The following ST6GALNAC4 variants were observed in gnomAD, a reference collection of about 807,000 sequenced individuals.
ST6GALNAC4 encodes the protein ST6 N-acetylgalactosaminide alpha-2,6-sialyltransferase 4.
A neutral mutation model predicts 30.4 loss-of-function variants in ST6GALNAC4; 24 were observed. The observed-to-expected ratio is 0.79, with a 90% CI of 0.57 to 1.11. ST6GALNAC4 has a LOEUF of 1.11. ST6GALNAC4 is among the 50% of genes most tolerant of loss of function. ST6GALNAC4 has a pLI of 0.00. For missense variants in ST6GALNAC4, 365 were observed against 430.1 expected, an observed-to-expected ratio of 0.85 and a Z score of 1.34; for synonymous variants, 156 against 179.7, an observed-to-expected ratio of 0.87 and a Z score of 1.05.
In ST6GALNAC4 at chr9:127,908,281, C is replaced by T. The variant is rs1588672173; in HGVS notation, c.*111G>A. 1.2e-5 allele frequency: 13 copies of T among 1,124,664 alleles called. No individual in the cohort carries two copies. The highest frequency in any genetic ancestry group is 4.0e-5 in the South Asian group (2 of 49,564). 69.7% of individuals were successfully genotyped at this position (1,124,664 alleles called of 1,614,324 possible). ...GAAGGAACCTTAGGTCCACCCAGCA[C>T]GTGGCAGGAGGCAGGATCCATAAAT... On this transcript the variant is annotated 3_prime_UTR_variant, in exon 6 of 6. Transcript: ENST00000335791.
intron 5 of ST6GALNAC4, among the ~76,000 whole-genome samples, 194 bp downstream of exon 5, chr9:127,909,757 G>A (rs542918016): frequency 6.6e-6 from 1 of 152,170 alleles, no homozygotes; most frequent in Non-Finnish European, 1.5e-5. Flanking sequence ...AGCCACACTG[G>A]GGTTGGTAAG....
At chr9:127,914,864 G>A (rs375730478) in intron 2 of ST6GALNAC4, 23 bp from the exon 3 acceptor site, 30 of 1,449,872 alleles carry the variant, frequency 2.1e-5, no homozygotes, top group South Asian at 1.3e-4. Context: ...GTGGCCATGG[G>A]GGGGTGTATG....
intron 1 of ST6GALNAC4, 26 bp from the exon 2 acceptor site, chr9:127,916,520 C>T (rs575704329): frequency 2.1e-5 from 30 of 1,455,550 alleles, no homozygotes; most frequent in Non-Finnish European, 2.9e-5. Context: ...AACTCAGAGC[C>T]GGGAGGGGTA....
chr9:127,910,092 A>G, intron 4 of ST6GALNAC4, 34 bp from the exon 5 acceptor site: 3 of 1,608,392 alleles, frequency 1.9e-6, no homozygotes, highest in Non-Finnish European at 2.5e-6. Flanking sequence ...GGACGCTGTC[A>G]ACAAGAGGCC....
intron 3 of ST6GALNAC4, 101 bp from the exon 4 acceptor site, chr9:127,912,781 T>C: frequency 1.4e-6 from 2 of 1,383,902 alleles, no homozygotes; most frequent in Non-Finnish European, 1.9e-6. Flanking sequence ...CTTGATCAGG[T>C]ATCGGCTTGA....
chr9:127,915,059 A>T (rs1775435658), intron 2 of ST6GALNAC4, among the ~76,000 whole-genome samples: 1 of 152,188 alleles, frequency 6.6e-6, no homozygotes, highest in Non-Finnish European at 1.5e-5. Flanking sequence ...TCATCCCCAC[A>T]TTCTAGATAA....
intron 3 of ST6GALNAC4, 137 bp downstream of exon 3, chr9:127,914,519 A>AAG (rs1831149757): frequency 4.1e-6 from 2 of 490,064 alleles, no homozygotes; most frequent in South Asian, 9.8e-5. Context: ...AAAAAAAAAA[A>AAG]GAACCTAGGG....
intron 1 of ST6GALNAC4, 122 bp from the exon 2 acceptor site, chr9:127,916,616 A>C (rs564553799): frequency 1.6e-6 from 1 of 628,356 alleles, no homozygotes; most frequent in Non-Finnish European, 2.8e-6. Flanking sequence ...CCGGGAATCC[A>C]ACCCCTTGAC....
At position 127,912,537 on chromosome 9, in the gene ST6GALNAC4, A is replaced by T. The variant is rs1230363062; in HGVS notation, c.342T>A (p.Asp114Glu). Residue 114 changes from aspartate to glutamate, a missense_variant, in exon 4 of 6, where the codon GAT becomes GAA. Coordinates refer to ENST00000335791, the MANE Select transcript of ST6GALNAC4 (RefSeq NM_175039.4). Reference protein sequence around the residue: ...NQAPTVGFEADVGQRSTLRVV... With the variant: ...NQAPTVGFEAEVGQRSTLRVV... ...CACGCAGGGTGCTGCGCTGGCCCAC[A>T]TCCGCCTCAAAGCCCACGGTGGGCG... 2 of 1,613,626 alleles carry T rather than the reference A, an allele frequency of 1.2e-6. No homozygotes were observed. Among genetic ancestry groups the T allele is most frequent in the Non-Finnish European group, 1.7e-6 (2 of 1,179,912 alleles).
In ST6GALNAC4 at chr9:127,908,317, T is replaced by C. The variant is rs949087632; in HGVS notation, c.*75A>G. 42 of 1,383,806 alleles carry C rather than the reference T, an allele frequency of 3.0e-5. No individual in the cohort carries two copies. In the Admixed American group the frequency reaches 9.3e-4, roughly 31 times the overall value. 85.7% of individuals were successfully genotyped at this position (1,383,806 alleles called of 1,614,324 possible). A position where few individuals can be genotyped will look rare whatever the true frequency, so the allele number is the denominator to read the frequency against. ...GCAGGATCCATAAATTAAATGTTTT[T>C]GTGGAGTGTGATGGCTTGGGATGGG... is the stretch of plus-strand genomic sequence containing the variant. On this transcript the variant is annotated 3_prime_UTR_variant, in exon 6 of 6. Transcript: ENST00000335791.
In ST6GALNAC4 at chr9:127,908,181, G is replaced by T; in HGVS notation, c.*211C>A. 4.6e-6 allele frequency: 1 copy of T among 215,954 alleles called. No homozygotes were observed. The highest frequency in any genetic ancestry group is 9.0e-6 in the Non-Finnish European group (1 of 110,768). 13.4% of individuals were successfully genotyped at this position (215,954 alleles called of 1,614,324 possible). A position where few individuals can be genotyped will look rare whatever the true frequency, so the allele number is the denominator to read the frequency against. Reference sequence around the variant, plus strand: ...AATTACTCAGGGAGTGGAGGGGGGAGACACGGCTCCCCCCTCCACTCCCCT... The same window carrying T: ...AATTACTCAGGGAGTGGAGGGGGGATACACGGCTCCCCCCTCCACTCCCCT... On this transcript the variant is annotated 3_prime_UTR_variant, in exon 6 of 6. Coordinates refer to ENST00000335791, the MANE Select transcript of ST6GALNAC4 (RefSeq NM_175039.4).
rs1052797681 is a variant in ST6GALNAC4, at chr9:127,914,645, G to A, written c.198+11C>T. 43 of 1,599,366 alleles carry A rather than the reference G, an allele frequency of 2.7e-5. No individual in the cohort carries two copies. The highest frequency in any genetic ancestry group is 3.4e-5 in the Non-Finnish European group (40 of 1,173,602). ...ACTACCCACCCCGGATGCATTGCCT[G>A]GCCCACTCACCTTCCCATCTGGCAC... is the stretch of plus-strand genomic sequence containing the variant. On this transcript the variant is annotated intron_variant, in intron 3 of 5. Transcript: ENST00000335791.
At chr9:127,908,823 G>A (rs1831002331) in intron 5 of ST6GALNAC4, among the ~76,000 whole-genome samples, 1 of 152,164 alleles carries the variant, frequency 6.6e-6, no homozygotes, top group Non-Finnish European at 1.5e-5. Flanking sequence ...AGCCTCAAGA[G>A]CCCGTGTGTA....
intron 4 of ST6GALNAC4, chr9:127,910,378 A>T: frequency 8.8e-7 from 1 of 1,137,768 alleles, no homozygotes; most frequent in Non-Finnish European, 1.1e-6. Context: ...CATCTAAGGG[A>T]CCAGGCCTGG....
intron 3 of ST6GALNAC4, among the ~76,000 whole-genome samples, chr9:127,913,627 AG>A (rs1188423617): frequency 6.8e-6 from 1 of 146,086 alleles, no homozygotes; most frequent in Non-Finnish European, 1.5e-5. Context: ...AAAAAGAAAA[AG>A]AAAAAGAAAA....
chr9:127,914,660 C>T lies in ST6GALNAC4; in HGVS notation c.194G>A (p.Gly65Glu). ...HFSGYSSVPD[G>E]KPLVREPCRS... Reference sequence around the variant, plus strand: ...TGCATTGCCTGGCCCACTCACCTTCCCATCTGGCACACTGCTATATCCACT... The same window carrying T: ...TGCATTGCCTGGCCCACTCACCTTCTCATCTGGCACACTGCTATATCCACT... The change falls in exon 3 of 6, where the codon GGG (glycine) becomes GAG (glutamate). Residue 65 changes from glycine to glutamate, a missense_variant. Gly to Glu is a moderately conservative substitution (Grantham distance 98). Transcript: ENST00000335791. The T allele has an allele frequency of 1.2e-6, 2 of 1,608,022 alleles. No individual in the cohort carries two copies. The highest frequency in any genetic ancestry group is 1.7e-6 in the Non-Finnish European group (2 of 1,177,396).
rs563219900 is a variant in ST6GALNAC4, at chr9:127,912,440, G to T, written c.439C>A (p.Leu147Ile). Residue 147 changes from leucine (L) to isoleucine (I), a missense_variant, in exon 4 of 6, where the codon CTC (leucine) becomes ATC (isoleucine). By Grantham distance (5) the Leu-to-Ile change is conservative. Transcript: ENST00000335791. ...SHYFQKARDT[L>I]YMVWGQGRHM... ...CTGCCCTGGCCCCACACCATGTAGA[G>T]CGTGTCTCGGGCCTTCTGGAAGTAG... 8.1e-6 allele frequency: 13 copies of T among 1,614,110 alleles called. No homozygotes were observed. The highest frequency in any genetic ancestry group is 8.0e-5 in the African/African-American group (6 of 75,064).
chr9:127,910,211 A>G (rs948421343), intron 4 of ST6GALNAC4, 153 bp from the exon 5 acceptor site: 3 of 1,430,660 alleles, frequency 2.1e-6, no homozygotes, highest in Non-Finnish European at 2.8e-6. Flanking sequence ...GGACAGAGCC[A>G]GCCCAAGGCC....
Position 127,908,182 on chromosome 9 carries a change from A to T in ST6GALNAC4, c.*210T>A. On this transcript the variant is annotated 3_prime_UTR_variant, in exon 6 of 6. Transcript: ENST00000335791. The stretch of plus-strand genomic sequence containing the variant: ...ATTACTCAGGGAGTGGAGGGGGGAG[A>T]CACGGCTCCCCCCTCCACTCCCCTT... The T allele has an allele frequency of 8.9e-5, 17 of 190,810 alleles. No individual in the cohort carries two copies. Among genetic ancestry groups the T allele is most frequent in the East Asian group, 4.8e-4 (5 of 10,312 alleles). The allele number at this position is 190,810 out of a possible 1,614,324, so 11.8% of individuals were successfully genotyped here. A position where few individuals can be genotyped will look rare whatever the true frequency, so the allele number is the denominator to read the frequency against.
Sources: allele counts gnomAD v4.1 joint callset (sites outside exome capture counted in the v4.1 genomes callset), GRCh38; gene constraint gnomAD v4.1.1; transcripts MANE v1.5; gene names NCBI Gene and HGNC (gene_info 2026-07-23, HGNC 2026-07-21).